Variants in SHOX observed in about 807,000 individuals in gnomAD.
The protein encoded by SHOX is SHOX homeobox.
In SHOX, 12 loss-of-function variants were observed where a neutral mutation model predicts 29.6. The ratio of observed to expected loss-of-function variants is 0.41; its 90% CI spans 0.26 to 0.66. SHOX has a LOEUF of 0.66. Among genes scored for constraint, SHOX ranks in the 30% least tolerant of loss-of-function variants. SHOX has a pLI of 0.35. For missense variants in SHOX, 499 were observed against 437.7 expected (o/e 1.14, Z -1.25); for synonymous variants, 214 against 200.6 (o/e 1.07, Z -0.57).
downstream of SHOX, among the ~76,000 whole-genome samples, chrX:656,326 C>T (rs1257398183): frequency 9.9e-5 from 15 of 151,920 alleles, no homozygotes; most frequent in Non-Finnish European, 1.5e-4. Context: ...CCTGTAATCC[C>T]GGTACTCTGG....
chrX:639,197 C>A (rs1249107141), intron 2 of SHOX, among the ~76,000 whole-genome samples: 1 of 152,210 alleles, frequency 6.6e-6, no homozygotes, highest in East Asian at 1.9e-4. Flanking sequence ...TGCGCTATTG[C>A]ACTCAACTTC....
At chrX:629,809 C>T (rs2052615613), upstream of SHOX, among the ~76,000 whole-genome samples, 1 of 152,178 alleles carries the variant, frequency 6.6e-6, no homozygotes, top group Admixed American at 6.5e-5. Flanking sequence ...GTTTGGTTTC[C>T]AGGACTTGGA....
chrX:634,282 C>G (rs775189770), intron 1 of SHOX, among the ~76,000 whole-genome samples: 56 of 152,028 alleles, frequency 3.7e-4, no homozygotes, highest in Non-Finnish European at 7.4e-5. Context: ...AGCTCTTCCT[C>G]AAATTCTTTC....
upstream of SHOX, among the ~76,000 whole-genome samples, chrX:627,516 C>G (rs1049525126): frequency 5.9e-5 from 9 of 152,158 alleles, no homozygotes; most frequent in African/African-American, 1.9e-4. Flanking sequence ...GCCAGAAACT[C>G]TTAGGAAAAG....
At chrX:658,471 C>CT (rs777890718) in intron 5 of SHOX, among the ~76,000 whole-genome samples, 600 of 134,412 alleles carry the variant, frequency 4.5e-3, no homozygotes, top group Non-Finnish European at 5.8e-3. Context: ...AAAAAGAACT[C>CT]TTTTTTTTTT....
chrX:658,495 G>T (rs2053178291), intron 5 of SHOX, among the ~76,000 whole-genome samples: 2 of 148,222 alleles, frequency 1.3e-5, no homozygotes, highest in South Asian at 4.3e-4. Flanking sequence ...TTTTGAGACG[G>T]AGTCTCGCTC....
At chrX:643,239 G>C (rs1434735765) in intron 4 of SHOX, among the ~76,000 whole-genome samples, 1 of 147,894 alleles carries the variant, frequency 6.8e-6, no homozygotes, top group Non-Finnish European at 1.5e-5. Flanking sequence ...GTCCTGGGGA[G>C]AGGCTTGGGG....
At position 631,108 on chromosome X, in the gene SHOX, T is replaced by C. The variant is rs375027970; in HGVS notation, c.211T>C (p.Phe71Leu). 40 of 1,613,598 alleles carry C rather than the reference T, an allele frequency of 2.5e-5. No homozygotes were observed. Among genetic ancestry groups the C allele is most frequent in the Non-Finnish European group, 3.3e-5 (39 of 1,179,856 alleles). ...EGGGHCPVHL[F>L]KDHVDNDKEK... The stretch of plus-strand genomic sequence containing the variant: ...CGGCGGCCACTGCCCGGTGCATTTG[T>C]TCAAGGACCACGTAGACAATGACAA... The change falls in exon 1 of 5, where the codon TTC (phenylalanine) becomes CTC (leucine). Residue 71 changes from phenylalanine (F) to leucine (L), a missense_variant. Phe to Leu is a conservative substitution (Grantham distance 22). Transcript: ENST00000686671.
upstream of SHOX, among the ~76,000 whole-genome samples, chrX:629,431 C>T (rs991202035): frequency 6.6e-6 from 1 of 151,372 alleles, no homozygotes; most frequent in African/African-American, 2.4e-5. Flanking sequence ...CCCTCTGTCT[C>T]TTTCTCTGTC....
Position 649,909 on chromosome X carries a change from T to C in SHOX, c.*5273T>C, listed in dbSNP as rs1569495844. The C allele has an allele frequency of 2.2e-6, 1 of 455,958 alleles. No homozygotes were observed. Among genetic ancestry groups the C allele is most frequent in the East Asian group, 6.9e-5 (1 of 14,392 alleles). The allele number at this position is 455,958 out of a possible 1,614,324, so 28.2% of individuals were successfully genotyped here. A position where few individuals can be genotyped will look rare whatever the true frequency, so the allele number is the denominator to read the frequency against. On this transcript the variant is annotated 3_prime_UTR_variant, in exon 5 of 5. Coordinates refer to ENST00000686671, the MANE Select transcript of SHOX (RefSeq NM_000451.4). Reference sequence around the variant, plus strand: ...AAATCTGTTTCTGACATATCCACTTTTCTCTCTCTTTTCTCTCTCTCTGAC... The same window carrying C: ...AAATCTGTTTCTGACATATCCACTTCTCTCTCTCTTTTCTCTCTCTCTGAC...
chrX:652,649 T>C (rs780282664), downstream of SHOX, among the ~76,000 whole-genome samples: 2 of 152,246 alleles, frequency 1.3e-5, no homozygotes, highest in Admixed American at 1.3e-4. Flanking sequence ...TGACTCCTGG[T>C]AGTTCCTGAA....
chrX:627,154 G>T (rs1474373998), upstream of SHOX, among the ~76,000 whole-genome samples: 1 of 152,142 alleles, frequency 6.6e-6, no homozygotes, highest in Non-Finnish European at 1.5e-5. Flanking sequence ...GCCAAGAGAG[G>T]TGCAGACCCT....
At chrX:630,657 G>C, upstream of SHOX, 1 of 604,936 alleles carries the variant, frequency 1.7e-6, no homozygotes. Context: ...CCGGCCTGGG[G>C]GGTGGGGGAG....
At chrX:637,626 G>A (rs2052780867) in intron 2 of SHOX, among the ~76,000 whole-genome samples, 1 of 152,086 alleles carries the variant, frequency 6.6e-6, no homozygotes, top group African/African-American at 2.4e-5. Flanking sequence ...CGCCGCGGGG[G>A]GAAAGGATCC....
At chrX:638,500 C>T (rs2052795350) in intron 2 of SHOX, among the ~76,000 whole-genome samples, 1 of 152,018 alleles carries the variant, frequency 6.6e-6, no homozygotes, top group Non-Finnish European at 1.5e-5. Flanking sequence ...TGGTGAATTT[C>T]GATGTCAGCA....
In SHOX at chrX:644,464, C is replaced by A; in HGVS notation, c.707C>A (p.Ala236Glu). 6.6e-7 allele frequency: 1 copy of A among 1,525,178 alleles called. No homozygotes were observed. The highest frequency in any genetic ancestry group is 8.7e-7 in the Non-Finnish European group (1 of 1,143,660). The allele number at this position is 1,525,178 out of a possible 1,614,324, so 94.5% of individuals were successfully genotyped here. A position where few individuals can be genotyped will look rare whatever the true frequency, so the allele number is the denominator to read the frequency against. Reference sequence around the variant, plus strand: ...CTGCACCCGCACCTGGCGGCGCACGCGCCCTACCTGATGTTCCCCCCGCCG... The same window carrying A: ...CTGCACCCGCACCTGGCGGCGCACGAGCCCTACCTGATGTTCCCCCCGCCG... ...PHLHPHLAAH[A>E]PYLMFPPPPF... The change falls in exon 5 of 5, where the codon GCG becomes GAG. Residue 236 changes from alanine to glutamate, a missense_variant. By Grantham distance (107) the Ala-to-Glu change is moderately radical. Transcript: ENST00000686671.
rs28465428 is a variant in SHOX, at chrX:649,556, G to T, written c.*4920G>T. 0.039 allele frequency among the ~76,000 whole-genome samples: 6,010 copies of T among 152,222 alleles called. 321 individuals are homozygous for T. Among genetic ancestry groups the T allele is most frequent in the East Asian group, 0.18 (917 of 5,178 alleles). ...CTTGGTGCTTTTTGCTCAAAACAAG[G>T]TTCTTTTGAAAGTCACGTTCCTGCT... is the stretch of plus-strand genomic sequence containing the variant. On this transcript the variant is annotated 3_prime_UTR_variant, in exon 5 of 5. Transcript: ENST00000686671.
Position 644,481 on chromosome X carries a change from C to T in SHOX, c.724C>T (p.Pro242Ser). ...GGCGCACGCGCCCTACCTGATGTTCCCCCCGCCGCCCTTCGGGCTGCCCAT... is the reference window on the plus strand; with the variant it reads ...GGCGCACGCGCCCTACCTGATGTTCTCCCCGCCGCCCTTCGGGCTGCCCAT... ...LAAHAPYLMF[P>S]PPPFGLPIAS... Residue 242 changes from proline to serine, a missense_variant, in exon 5 of 5, where the codon CCC (proline) becomes TCC (serine). Coordinates refer to ENST00000686671, the MANE Select transcript of SHOX (RefSeq NM_000451.4). 3.3e-6 allele frequency: 5 copies of T among 1,523,786 alleles called. No homozygotes were observed. The highest frequency in any genetic ancestry group is 4.4e-6 in the Non-Finnish European group (5 of 1,142,804). 94.4% of individuals were successfully genotyped at this position (1,523,786 alleles called of 1,614,324 possible).
At position 644,508 on chromosome X, in the gene SHOX, G is replaced by A; in HGVS notation, c.751G>A (p.Ala251Thr). ...FPPPPFGLPI[A>T]SLAESASAAA... ...CCCGCCGCCCTTCGGGCTGCCCATC[G>A]CGTCGCTGGCCGAGTCCGCCTCGGC... The change falls in exon 5 of 5, where the codon GCG (alanine) becomes ACG (threonine). Residue 251 changes from alanine (A) to threonine (T), a missense_variant. Physicochemically the swap from Ala to Thr is moderately conservative, Grantham distance 58. Coordinates refer to ENST00000686671, the MANE Select transcript of SHOX (RefSeq NM_000451.4). 3 of 1,520,620 alleles carry A rather than the reference G, an allele frequency of 2.0e-6. No homozygotes were observed. The highest frequency in any genetic ancestry group is 8.8e-7 in the Non-Finnish European group (1 of 1,140,984). 94.2% of individuals were successfully genotyped at this position (1,520,620 alleles called of 1,614,324 possible).
Sources: gnomAD v4.1 joint callset for allele counts (sites outside exome capture counted in the v4.1 genomes callset) on GRCh38, gnomAD v4.1.1 for gene constraint, MANE v1.5 for transcripts, NCBI Gene and HGNC (gene_info 2026-07-23, HGNC 2026-07-21) for gene names.